Variants in PIAS2 observed in about 807,000 individuals in gnomAD.
The protein encoded by PIAS2 is E3 SUMO-protein ligase PIAS2.
In PIAS2, 19 loss-of-function variants were observed where a neutral mutation model predicts 69.7. The ratio of observed to expected loss-of-function variants is 0.27; its 90% CI spans 0.19 to 0.40. The LOEUF (loss-of-function observed/expected upper bound fraction) is 0.40. Among genes scored for constraint, PIAS2 ranks in the 10% least tolerant of loss-of-function variants. PIAS2 has a pLI of 1.00. For synonymous variants in PIAS2, 261 were observed against 263.2 expected (o/e 0.99, Z 0.08); for missense variants, 624 against 757.0 (o/e 0.82, Z 2.06).
chr18:46,818,646 C>T (rs1204577825), intron 12 of PIAS2, among the ~76,000 whole-genome samples: 1 of 151,828 alleles, frequency 6.6e-6, no homozygotes, highest in African/African-American at 2.4e-5. Flanking sequence ...TTACTAATCA[C>T]AAAAGAGCAC....
chr18:46,899,635 C>CT (rs2055472940), intron 1 of PIAS2, among the ~76,000 whole-genome samples: 1 of 152,146 alleles, frequency 6.6e-6, no homozygotes. Context: ...GCCTGCTAAT[C>CT]TTTTTAATTT....
chr18:46,845,835 C>T (rs768799954), intron 6 of PIAS2, among the ~76,000 whole-genome samples: 2 of 152,134 alleles, frequency 1.3e-5, no homozygotes, highest in African/African-American at 2.4e-5. Context: ...ATCCCCATTA[C>T]ATGGCAAAAG....
intron 12 of PIAS2, among the ~76,000 whole-genome samples, chr18:46,820,586 T>A (rs1383850148): frequency 6.6e-6 from 1 of 152,136 alleles, no homozygotes; most frequent in Non-Finnish European, 1.5e-5. Context: ...GAAGTTCTGA[T>A]GAGCTACCAA....
chr18:46,843,093 C>A (rs1489398349), intron 8 of PIAS2, among the ~76,000 whole-genome samples: 1 of 152,154 alleles, frequency 6.6e-6, no homozygotes, highest in African/African-American at 2.4e-5. Context: ...CAATCTTTAT[C>A]CTTGTTCTAC....
intron 1 of PIAS2, chr18:46,915,711 G>A (rs955724200): frequency 1.1e-4 from 17 of 151,078 alleles, no homozygotes; most frequent in African/African-American, 4.1e-4. Flanking sequence ...ATAAGAGCGA[G>A]TAAATTCTTC....
Position 46,810,300 on chromosome 18 carries a change from T to C in PIAS2, c.*2133A>G, listed in dbSNP as rs1186045979. 6.6e-6 allele frequency: 1 copy of C among 152,184 alleles called. No homozygotes were observed. The highest frequency in any genetic ancestry group is 2.4e-5 in the African/African-American group (1 of 41,466). 9.4% of individuals were successfully genotyped at this position (152,184 alleles called of 1,614,324 possible). A position where few individuals can be genotyped will look rare whatever the true frequency, so the allele number is the denominator to read the frequency against. Reference sequence around the variant, plus strand: ...TATTTTCATTTACTTTATAAAACTTTGTTGATTAAATTGGGGGAGTCTCTG... The same window carrying C: ...TATTTTCATTTACTTTATAAAACTTCGTTGATTAAATTGGGGGAGTCTCTG... On this transcript the variant is annotated 3_prime_UTR_variant, in exon 14 of 14. Transcript: ENST00000585916.
At chr18:46,836,718 C>T (rs2044492251) in intron 8 of PIAS2, among the ~76,000 whole-genome samples, 1 of 152,170 alleles carries the variant, frequency 6.6e-6, no homozygotes, top group Non-Finnish European at 1.5e-5. Flanking sequence ...AAAACCATTT[C>T]ACTTTTTCAA....
intron 2 of PIAS2, 73 bp downstream of exon 2, chr18:46,890,507 T>C (rs1206950106): frequency 4.4e-6 from 4 of 900,562 alleles, no homozygotes; most frequent in South Asian, 3.4e-5. Context: ...CAGCACATCA[T>C]TAATCAATAG....
rs1014488312 is a variant in PIAS2, at chr18:46,812,204, T to C, written c.*229A>G. ...ATCTCTCAGGAAGATACAGTTATGG[T>C]TGAATGTATCTGATGCTGAGAGTAC... is the stretch of plus-strand genomic sequence containing the variant. On this transcript the variant is annotated 3_prime_UTR_variant, in exon 14 of 14. Coordinates refer to ENST00000585916, the MANE Select transcript of PIAS2 (RefSeq NM_004671.5). 4.1e-5 allele frequency: 16 copies of C among 394,676 alleles called. No individual in the cohort carries two copies. Among genetic ancestry groups the C allele is most frequent in the Admixed American group, 1.2e-4 (3 of 24,724 alleles). 24.4% of individuals were successfully genotyped at this position (394,676 alleles called of 1,614,324 possible).
chr18:46,863,706 T>C (rs757599990), intron 3 of PIAS2, among the ~76,000 whole-genome samples: 35 of 152,246 alleles, frequency 2.3e-4, no homozygotes, highest in Non-Finnish European at 1.0e-4. Flanking sequence ...CAGTATTTAC[T>C]AAATATTTGG....
chr18:46,828,271 A>G (rs1317212410), intron 10 of PIAS2, 141 bp from the exon 11 acceptor site: 5 of 630,468 alleles, frequency 7.9e-6, no homozygotes, highest in Non-Finnish European at 5.0e-6. Flanking sequence ...CCATGGACAA[A>G]TACCAACTCC....
rs1942249 is a variant in PIAS2 at position 46,892,628 on chromosome 18, C to T, written c.25-1574G>A. ...TCTCCACAAAAATTTAAAAATTAGC[C>T]AGCCATGGTGGTGTGTGTGCCTGTG... On this transcript the variant is annotated intron_variant, in intron 1 of 13. Transcript: ENST00000585916. Among the ~76,000 whole-genome samples the T allele has an allele frequency of 6.4e-3, 967 of 151,816 alleles. 7 individuals are homozygous for T. Among genetic ancestry groups the T allele is most frequent in the African/African-American group, 0.022 (892 of 41,400 alleles).
rs33972989 is a variant in PIAS2, at chr18:46,810,188, GAAAAA to G, written c.*2240_*2244del. On this transcript the variant is annotated 3_prime_UTR_variant, in exon 14 of 14. Coordinates refer to ENST00000585916, the MANE Select transcript of PIAS2 (RefSeq NM_004671.5). ...ACATTAAAACTGTTCACAGAAAATA[GAAAAA>G]AAAACAAAAAAACAAATCACAATTA... 1.3e-5 allele frequency: 2 copies of G among 149,222 alleles called. No individual in the cohort carries two copies. Among genetic ancestry groups the G allele is most frequent in the South Asian group, 4.2e-4 (2 of 4,730 alleles). 9.2% of individuals were successfully genotyped at this position (149,222 alleles called of 1,614,324 possible). A position where few individuals can be genotyped will look rare whatever the true frequency, so the allele number is the denominator to read the frequency against.
rs869149927 is a variant in PIAS2 at position 46,807,383 on chromosome 18, A to ATATATATAT, written c.*5049_*5050insATATATATA. Reference sequence around the variant, plus strand: ...TATATATATATATATATATATATATATTTTTTTTTTTTTTTTTTTTTTTTT... The same window carrying ATATATATAT: ...TATATATATATATATATATATATATATATATATATTTTTTTTTTTTTTTTTTTTTTTTTT... On this transcript the variant is annotated 3_prime_UTR_variant, in exon 14 of 14. Transcript: ENST00000585916. The ATATATATAT allele has an allele frequency of 1.7e-4, 2 of 11,600 alleles. No individual in the cohort carries two copies. The highest frequency in any genetic ancestry group is 5.4e-4 in the African/African-American group (1 of 1,846). 0.7% of individuals were successfully genotyped at this position (11,600 alleles called of 1,614,324 possible).
intron 13 of PIAS2, among the ~76,000 whole-genome samples, chr18:46,815,057 G>A (rs890422131): frequency 1.4e-4 from 21 of 152,132 alleles, no homozygotes; most frequent in Non-Finnish European, 2.5e-4. Context: ...TCATTCAAAT[G>A]CTTGTAGGAG....
chr18:46,856,698 T>C (rs1157263808), intron 3 of PIAS2, among the ~76,000 whole-genome samples: 5 of 152,178 alleles, frequency 3.3e-5, no homozygotes, highest in African/African-American at 1.2e-4. Context: ...AGGTGACATG[T>C]ATACACATTA....
chr18:46,861,447 G>A (rs1568575760), intron 3 of PIAS2, among the ~76,000 whole-genome samples: 1 of 152,190 alleles, frequency 6.6e-6, no homozygotes, highest in African/African-American at 2.4e-5. Context: ...AATACTAGGT[G>A]CCTAGTTGCA....
chr18:46,857,065 A>T (rs936538227), intron 3 of PIAS2, among the ~76,000 whole-genome samples: 2 of 152,238 alleles, frequency 1.3e-5, no homozygotes, highest in African/African-American at 4.8e-5. Flanking sequence ...AAGTGCCTAA[A>T]TATAAGATGT....
chr18:46,878,257 G>T (rs1262468303), intron 2 of PIAS2, among the ~76,000 whole-genome samples: 1 of 152,060 alleles, frequency 6.6e-6, no homozygotes, highest in Non-Finnish European at 1.5e-5. Flanking sequence ...CTAAATGCAG[G>T]AACATGTGAA....
Sources: allele counts gnomAD v4.1 joint callset (sites outside exome capture counted in the v4.1 genomes callset), GRCh38; gene constraint gnomAD v4.1.1; transcripts MANE v1.5; gene names NCBI Gene and HGNC (gene_info 2026-07-23, HGNC 2026-07-21).